The following ZNF169 variants were observed in gnomAD, a reference collection of about 807,000 sequenced individuals.
ZNF169 encodes zinc finger protein 169.
A neutral mutation model predicts 12.0 loss-of-function variants in ZNF169; 11 were observed. That is an observed-to-expected ratio of 0.92 (90% CI 0.58 to 1.52). The LOEUF (loss-of-function observed/expected upper bound fraction) is 1.52. ZNF169 is among the 40% of genes most tolerant of loss of function. The pLI is 0.00. For synonymous variants in ZNF169, 302 were observed against 286.5 expected (o/e 1.05, Z -0.55); for missense variants, 722 against 744.0 (o/e 0.97, Z 0.34).
At chr9:94,287,491 G>A (rs1270374627) in intron 2 of ZNF169, among the ~76,000 whole-genome samples, 2 of 151,938 alleles carry the variant, frequency 1.3e-5, no homozygotes, top group Non-Finnish European at 1.5e-5. Flanking sequence ...TCAGCCCCCG[G>A]TTAGCTGGGA....
intron 1 of ZNF169, 28 bp from the exon 2 acceptor site, chr9:94,278,730 C>T: frequency 7.4e-7 from 1 of 1,346,064 alleles, no homozygotes; most frequent in Non-Finnish European, 1.1e-6. Flanking sequence ...TCCCAAGTAC[C>T]TCTCTCACTT....
intron 2 of ZNF169, among the ~76,000 whole-genome samples, chr9:94,284,757 G>T (rs1409447786): frequency 6.6e-6 from 1 of 152,122 alleles, no homozygotes; most frequent in Non-Finnish European, 1.5e-5. Context: ...TAAATGGAAA[G>T]ACTTTCCATG....
At chr9:94,270,584 TATATAA>T (rs1830370248) in intron 1 of ZNF169, among the ~76,000 whole-genome samples, 1 of 135,236 alleles carries the variant, frequency 7.4e-6, no homozygotes, top group Non-Finnish European at 1.5e-5. Flanking sequence ...TTTTTTCATA[TATATAA>T]ATATATTTAT....
chr9:94,287,301 C>G (rs1331118834), intron 2 of ZNF169, among the ~76,000 whole-genome samples: 1 of 152,112 alleles, frequency 6.6e-6, no homozygotes, highest in Non-Finnish European at 1.5e-5. Flanking sequence ...TACTTGCATC[C>G]CAGACATACA....
intron 3 of ZNF169, chr9:94,292,682 C>T: frequency 1.5e-6 from 1 of 677,940 alleles, no homozygotes. Flanking sequence ...TCTGACACTG[C>T]ATTTTTCAGG....
intron 1 of ZNF169, among the ~76,000 whole-genome samples, chr9:94,277,881 G>A (rs1481765170): frequency 1.3e-5 from 2 of 150,410 alleles, no homozygotes; most frequent in Non-Finnish European, 3.0e-5. Context: ...GCAGTGAGCC[G>A]AGATTGCGCC....
Position 94,300,188 on chromosome 9 carries a change from A to G in ZNF169, c.630A>G (p.Gly210=), listed in dbSNP as rs1191497780. Residue 210 remains glycine (G), a synonymous_variant, in exon 5 of 5, where the codon GGA becomes GGG. Transcript: ENST00000395395. ...MLKGADTSES[G]AVIRGNYRLG... ...AGGGAGCAGACACTTCAGAATCTGGAGCAGTCATACGTGGAAACTATAGAC... is the reference window on the plus strand; with the variant it reads ...AGGGAGCAGACACTTCAGAATCTGGGGCAGTCATACGTGGAAACTATAGAC... 2 of 1,614,198 alleles carry G rather than the reference A, an allele frequency of 1.2e-6. No individual in the cohort carries two copies. The highest frequency in any genetic ancestry group is 1.7e-6 in the Non-Finnish European group (2 of 1,180,032).
At chr9:94,276,580 A>G (rs1000273346) in intron 1 of ZNF169, among the ~76,000 whole-genome samples, 7 of 151,772 alleles carry the variant, frequency 4.6e-5, no homozygotes, top group South Asian at 2.1e-4. Context: ...TTTTAGTAGA[A>G]ACAGGGTTTC....
At chr9:94,289,544 C>G (rs1470538409) in intron 2 of ZNF169, among the ~76,000 whole-genome samples, 1 of 152,162 alleles carries the variant, frequency 6.6e-6, no homozygotes, top group African/African-American at 2.4e-5. Flanking sequence ...AATCCCAGCA[C>G]TTTGGGAGGC....
intron 2 of ZNF169, among the ~76,000 whole-genome samples, 194 bp downstream of exon 2, chr9:94,279,039 A>G (rs1830572201): frequency 6.6e-6 from 1 of 152,158 alleles, no homozygotes; most frequent in African/African-American, 2.4e-5. Context: ...AACTGTGACC[A>G]TCACATCCTG....
rs35889937 is a variant in ZNF169, at chr9:94,292,640, T to TGTGTGTGTGTGTGTGC, written c.160+174_160+175insTGTGTGTGTGTGTGCG. 2.7e-3 allele frequency: 2,034 copies of TGTGTGTGTGTGTGTGC among 740,574 alleles called. 17 individuals carry two copies. The highest frequency in any genetic ancestry group is 0.024 in the African/African-American group (1,320 of 55,044). The allele number at this position is 740,574 out of a possible 1,614,324, so 45.9% of individuals were successfully genotyped here. ...GTGTGTGTGTGTGTGTGTGTGTGTG[T>TGTGTGTGTGTGTGTGC]GCGCGTGCACATGCTGTGAGCGTGT... On this transcript the variant is annotated intron_variant, in intron 3 of 4. Coordinates refer to ENST00000395395, the MANE Select transcript of ZNF169 (RefSeq NM_194320.4).
At chr9:94,286,828 T>C (rs556927452) in intron 2 of ZNF169, among the ~76,000 whole-genome samples, 16 of 152,296 alleles carry the variant, frequency 1.1e-4, no homozygotes, top group African/African-American at 3.6e-4. Context: ...TCCTGAATTA[T>C]TGGCTTCATC....
intron 4 of ZNF169, chr9:94,299,558 A>G: frequency 7.5e-7 from 1 of 1,338,348 alleles, no homozygotes; most frequent in Non-Finnish European, 9.5e-7. Context: ...GGCGCCCAAG[A>G]AAGGAAGATA....
chr9:94,299,438 T>A, intron 4 of ZNF169: 1 of 759,826 alleles, frequency 1.3e-6, no homozygotes, highest in Non-Finnish European at 1.8e-6. Flanking sequence ...AGTCTGTTTC[T>A]TAACTGCAGC....
Position 94,279,345 on chromosome 9 carries a change from C to T in ZNF169, c.33+500C>T, listed in dbSNP as rs539603348. On this transcript the variant is annotated intron_variant, in intron 2 of 4. Coordinates refer to ENST00000395395, the MANE Select transcript of ZNF169 (RefSeq NM_194320.4). ...GGCTGAGGTTGCAGTGAGCTGAGAT[C>T]GCGCCACTGCACTCCAGCCTGGGCG... 1.6e-3 allele frequency among the ~76,000 whole-genome samples: 238 copies of T among 150,484 alleles called. 2 individuals are homozygous for T. Among genetic ancestry groups the T allele is most frequent in the Non-Finnish European group, 1.9e-3 (127 of 67,660 alleles).
intron 4 of ZNF169, among the ~76,000 whole-genome samples, chr9:94,296,261 T>G (rs1307440647): frequency 6.6e-6 from 1 of 152,234 alleles, no homozygotes; most frequent in East Asian, 1.9e-4. Flanking sequence ...TCTTCACATA[T>G]TCTATGTAGA....
In ZNF169 at chr9:94,300,248, C is replaced by A. The variant is rs766649405; in HGVS notation, c.690C>A (p.His230Gln). The part of the protein sequence containing the change: ...GLSKKSSLFS[H>Q]QKHHVCPECG... ...GCAAAAAGTCAAGCCTGTTCAGCCACCAGAAGCATCATGTGTGCCCTGAAT... is the reference window on the plus strand; with the variant it reads ...GCAAAAAGTCAAGCCTGTTCAGCCAACAGAAGCATCATGTGTGCCCTGAAT... The change falls in exon 5 of 5, where the codon CAC becomes CAA. Residue 230 changes from histidine (H) to glutamine (Q), a missense_variant. Coordinates refer to ENST00000395395, the MANE Select transcript of ZNF169 (RefSeq NM_194320.4). The A allele has an allele frequency of 6.2e-7, 1 of 1,614,186 alleles. No individual in the cohort carries two copies. Among genetic ancestry groups the A allele is most frequent in the Non-Finnish European group, 8.5e-7 (1 of 1,180,024 alleles).
intron 1 of ZNF169, among the ~76,000 whole-genome samples, chr9:94,262,988 A>G (rs192271242): frequency 2.0e-5 from 3 of 152,278 alleles, no homozygotes; most frequent in Admixed American, 2.0e-4. Flanking sequence ...TTGCAAATTT[A>G]TTGGGAGTTA....
At chr9:94,278,618 G>A in intron 1 of ZNF169, 140 bp from the exon 2 acceptor site, 1 of 505,118 alleles carries the variant, frequency 2.0e-6, no homozygotes, top group Non-Finnish European at 3.5e-6. Flanking sequence ...CACTGGCTAA[G>A]AATGGGCTTC....
Sources: allele counts gnomAD v4.1 joint callset (sites outside exome capture counted in the v4.1 genomes callset), GRCh38; gene constraint gnomAD v4.1.1; transcripts MANE v1.5; gene names NCBI Gene and HGNC (gene_info 2026-07-23, HGNC 2026-07-21).